Variants in NOX4 observed in about 807,000 individuals in gnomAD.
The protein encoded by NOX4 is NADPH oxidase 4, also known as kidney oxidase-1.
In NOX4, 69 loss-of-function variants were observed where a neutral mutation model predicts 87.6. The ratio of observed to expected loss-of-function variants is 0.79; its 90% CI spans 0.65 to 0.96. NOX4 has a LOEUF of 0.96. Among genes scored for constraint, NOX4 ranks in the 40% least tolerant of loss-of-function variants. The probability of loss-of-function intolerance (pLI) is 0.00; values close to 1 mark genes in which losing one functional copy is unlikely to be tolerated. For missense variants in NOX4, 680 were observed against 681.5 expected, an observed-to-expected ratio of 1.00 and a Z score of 0.02; for synonymous variants, 275 against 238.2, an observed-to-expected ratio of 1.15 and a Z score of -1.42.
At chr11:89,429,537 G>A (rs188593841) in intron 7 of NOX4, among the ~76,000 whole-genome samples, 9 of 152,216 alleles carry the variant, frequency 5.9e-5, no homozygotes, top group African/African-American at 1.7e-4. Context: ...TATCAACACC[G>A]ATCGCACAGA....
intron 2 of NOX4, among the ~76,000 whole-genome samples, chr11:89,453,712 A>C: frequency 6.6e-6 from 1 of 152,176 alleles, no homozygotes; most frequent in African/African-American, 2.4e-5. Flanking sequence ...AAAAATAAAG[A>C]ATATTGAGTC....
intron 2 of NOX4, among the ~76,000 whole-genome samples, chr11:89,482,341 G>T (rs1035208106): frequency 6.6e-6 from 1 of 152,060 alleles, no homozygotes; most frequent in Non-Finnish European, 1.5e-5. Flanking sequence ...GACAAAGTTG[G>T]TATTTGTACC....
chr11:89,586,106 TA>T, the NOX4 span, among the ~76,000 whole-genome samples: 2 of 151,970 alleles, frequency 1.3e-5, no homozygotes, highest in African/African-American at 4.8e-5. Flanking sequence ...TAATAATTTA[TA>T]ACACTCTCTC....
chr11:89,432,634 G>A, intron 7 of NOX4, 150 bp downstream of exon 7: 2 of 542,140 alleles, frequency 3.7e-6, no homozygotes, highest in Non-Finnish European at 6.6e-6. Flanking sequence ...GAAACAAGAA[G>A]TCATGTATAG....
upstream of NOX4, among the ~76,000 whole-genome samples, chr11:89,495,300 A>AG (rs1302461367): frequency 2.0e-5 from 3 of 152,056 alleles, no homozygotes; most frequent in Non-Finnish European, 2.9e-5. Context: ...GATGTGCTAA[A>AG]GAGAATCTGT....
Position 89,444,251 on chromosome 11 carries a change from G to A in NOX4, c.350-19C>T, listed in dbSNP as rs765949422. The A allele has an allele frequency of 3.7e-6, 6 of 1,604,532 alleles. No individual in the cohort carries two copies. Among genetic ancestry groups the A allele is most frequent in the South Asian group, 1.1e-5 (1 of 90,826 alleles). On this transcript the variant is annotated intron_variant, in intron 4 of 17. Transcript: ENST00000263317. ...TGCACGCCTACAGAATTACACCAGG[G>A]GTAAGTTAGTGGGATTTGCATATAT...
chr11:89,571,826 C>T, the NOX4 span, among the ~76,000 whole-genome samples: 1 of 152,272 alleles, frequency 6.6e-6, no homozygotes, highest in Admixed American at 6.5e-5. Context: ...AAGCTACATA[C>T]CTCCCCCACA....
intron 11 of NOX4, among the ~76,000 whole-genome samples, chr11:89,380,247 T>C (rs959459013): frequency 6.6e-6 from 1 of 152,016 alleles, no homozygotes; most frequent in Admixed American, 6.6e-5. Flanking sequence ...AAAAATAGAC[T>C]GAGTAAAAAT....
At chr11:89,335,443 T>C (rs1460445389) in intron 17 of NOX4, among the ~76,000 whole-genome samples, 1 of 151,792 alleles carries the variant, frequency 6.6e-6, no homozygotes, top group Non-Finnish European at 1.5e-5. Context: ...TAAAAAAAGG[T>C]ACAAAAAATG....
intron 12 of NOX4, among the ~76,000 whole-genome samples, chr11:89,359,995 G>A (rs4393317): frequency 0.21 from 31,387 of 151,598 alleles, 3,717 homozygotes; most frequent in Non-Finnish European, 0.28. Context: ...AAATCCTTAA[G>A]GGACATTAAA....
At chr11:89,588,320 T>C in the NOX4 span, among the ~76,000 whole-genome samples, 9 of 152,322 alleles carry the variant, frequency 5.9e-5, no homozygotes, top group East Asian at 1.7e-3. Context: ...CATAGCTATT[T>C]TTATTTTTTT....
At chr11:89,452,502 G>A (rs748301198) in intron 2 of NOX4, among the ~76,000 whole-genome samples, 14 of 151,996 alleles carry the variant, frequency 9.2e-5, no homozygotes, top group Non-Finnish European at 1.9e-4. Context: ...ATTGCTTTCT[G>A]TACTTCCCTG....
At chr11:89,326,988 A>G (rs1945245631) in intron 17 of NOX4, 112 bp from the exon 18 acceptor site, 2 of 963,480 alleles carry the variant, frequency 2.1e-6, no homozygotes, top group African/African-American at 3.4e-5. Context: ...ATTTCTTGCT[A>G]TTTTACATAT....
chr11:89,574,686 C>CT, the NOX4 span, among the ~76,000 whole-genome samples: 1 of 152,170 alleles, frequency 6.6e-6, no homozygotes, highest in Non-Finnish European at 1.5e-5. Flanking sequence ...CTGCGTGGCA[C>CT]TTAGTAGGCA....
the NOX4 span, among the ~76,000 whole-genome samples, chr11:89,536,042 A>G: frequency 6.7e-6 from 1 of 149,594 alleles, no homozygotes; most frequent in Non-Finnish European, 1.5e-5. Flanking sequence ...CTTTCTGATC[A>G]TGTTAGTTTT....
chr11:89,526,996 T>A, the NOX4 span, among the ~76,000 whole-genome samples: 1 of 152,138 alleles, frequency 6.6e-6, no homozygotes, highest in Non-Finnish European at 1.5e-5. Context: ...AAAATGCTGA[T>A]AGTAATATGA....
intron 8 of NOX4, among the ~76,000 whole-genome samples, chr11:89,408,115 C>T (rs1248929669): frequency 6.6e-6 from 1 of 152,074 alleles, no homozygotes; most frequent in Non-Finnish European, 1.5e-5. Flanking sequence ...TATTGCAGTT[C>T]TCTAACTTCT....
intron 15 of NOX4, among the ~76,000 whole-genome samples, chr11:89,339,729 C>T (rs1473544489): frequency 1.3e-5 from 2 of 152,030 alleles, no homozygotes; most frequent in African/African-American, 4.8e-5. Flanking sequence ...CTGGTATTTC[C>T]CTCCATTGTC....
chr11:89,355,022 A>G lies in NOX4; in HGVS notation c.1157T>C (p.Leu386Pro). Reference protein sequence around the residue: ...DWTERFRDLLLPPSSQDSEIL... With the variant: ...DWTERFRDLLPPPSSQDSEIL... ...TTCGGAGTCTTGACTAGATGGAGGC[A>G]GTAGTAAATCTCGAAATCGTTCTGT... is the stretch of plus-strand genomic sequence containing the variant. Residue 386 changes from leucine to proline, a missense_variant, in exon 13 of 18, where the codon CTG becomes CCG. Transcript: ENST00000263317. The G allele has an allele frequency of 6.2e-7, 1 of 1,600,696 alleles. No homozygotes were observed. Among genetic ancestry groups the G allele is most frequent in the Non-Finnish European group, 8.5e-7 (1 of 1,169,740 alleles).
Sources: gnomAD v4.1 joint callset for allele counts (sites outside exome capture counted in the v4.1 genomes callset) on GRCh38, gnomAD v4.1.1 for gene constraint, MANE v1.5 for transcripts, NCBI Gene and HGNC (gene_info 2026-07-23, HGNC 2026-07-21) for gene names.